The following SYN3 variants were observed in gnomAD, a reference collection of about 807,000 sequenced individuals.
SYN3 encodes synapsin-3.
SYN3 carries 35 observed loss-of-function variants against 65.8 expected under a neutral mutation model. The ratio of observed to expected loss-of-function variants is 0.53; its 90% CI spans 0.41 to 0.70. The LOEUF (loss-of-function observed/expected upper bound fraction) is 0.70, where lower values mean the gene tolerates loss of function less well. Among genes scored for constraint, SYN3 ranks in the 30% least tolerant of loss-of-function variants. The probability of loss-of-function intolerance (pLI) is 0.00; values close to 1 mark genes in which losing one functional copy is unlikely to be tolerated. For synonymous variants in SYN3, 270 were observed against 292.9 expected (o/e 0.92, Z 0.80); for missense variants, 680 against 749.0 (o/e 0.91, Z 1.08).
At position 32,831,130 on chromosome 22, in the gene SYN3, G is replaced by A. The variant is rs181191429; in HGVS notation, c.711+33785C>T. On this transcript the variant is annotated intron_variant, in intron 6 of 13. Transcript: ENST00000358763. The stretch of plus-strand genomic sequence containing the variant: ...GGCTGAGGTTGAAGTTGAGATCAAG[G>A]TGGCAGCGTGACCCTTATGCCTCAA... Among the ~76,000 whole-genome samples the A allele has an allele frequency of 5.3e-5, 8 of 152,290 alleles. No homozygotes were observed. In the East Asian group the frequency reaches 1.5e-3, roughly 29 times the overall value.
In SYN3 at chr22:32,508,306, C is replaced by T. The variant is rs62232669; in HGVS notation, c.*5386G>A. Among the ~76,000 whole-genome samples, 27,143 of 152,126 alleles carry T rather than the reference C, an allele frequency of 0.18. 2,665 individuals carry two copies. Among genetic ancestry groups the T allele is most frequent in the Non-Finnish European group, 0.22 (15,068 of 67,980 alleles). ...CCCGCACTGAGCACCTTGTGACCCC[C>T]GCCCCTGCCCACCAGAGAACAACCC... On this transcript the variant is annotated 3_prime_UTR_variant, in exon 14 of 14. Coordinates refer to ENST00000358763, the MANE Select transcript of SYN3 (RefSeq NM_003490.4).
intron 6 of SYN3, among the ~76,000 whole-genome samples, chr22:32,734,689 T>C (rs577540457): frequency 2.0e-5 from 3 of 152,288 alleles, no homozygotes; most frequent in Admixed American, 2.0e-4. Flanking sequence ...CTGACAGTGT[T>C]TGCTGATTCT....
intron 7 of SYN3, among the ~76,000 whole-genome samples, chr22:32,586,022 GTATGTATGTATA>G (rs1424078423): frequency 1.6e-5 from 2 of 125,646 alleles, no homozygotes; most frequent in Non-Finnish European, 3.1e-5. Flanking sequence ...ACGTATATAT[GTATGTATGTATA>G]TATGTATATG....
chr22:32,728,869 T>C (rs2147329235), intron 6 of SYN3, among the ~76,000 whole-genome samples: 1 of 152,276 alleles, frequency 6.6e-6, no homozygotes, highest in Middle Eastern at 3.4e-3. Context: ...AGTCAGTCCC[T>C]GTGTGTGGGC....
At chr22:32,596,619 A>G (rs2059203883) in intron 7 of SYN3, 55 bp downstream of exon 7, 5 of 1,575,854 alleles carry the variant, frequency 3.2e-6, no homozygotes, top group South Asian at 1.1e-5. Flanking sequence ...AGGAACAGGT[A>G]GTCTGGGGAA....
intron 4 of SYN3, among the ~76,000 whole-genome samples, chr22:32,907,858 T>C (rs1452226512): frequency 1.3e-5 from 2 of 152,204 alleles, no homozygotes; most frequent in Non-Finnish European, 2.9e-5. Flanking sequence ...TAACTAACGA[T>C]TATAGAGGCT....
intron 4 of SYN3, among the ~76,000 whole-genome samples, chr22:32,896,744 A>G (rs570075116): frequency 6.2e-4 from 94 of 152,336 alleles, no homozygotes; most frequent in Non-Finnish European, 8.4e-4. Flanking sequence ...AATTTTTTCC[A>G]TATGTGATCT....
chr22:33,021,786 T>TA (rs199896261), intron 1 of SYN3, among the ~76,000 whole-genome samples: 643 of 14,154 alleles, frequency 0.045, 1 homozygote, highest in Non-Finnish European at 0.067. Flanking sequence ...TGTAACTTAT[T>TA]TTTTTTTTTT....
intron 7 of SYN3, among the ~76,000 whole-genome samples, chr22:32,569,340 A>T (rs1054264692): frequency 6.6e-6 from 1 of 151,174 alleles, no homozygotes; most frequent in Non-Finnish European, 1.5e-5. Flanking sequence ...ATCTCTATCC[A>T]TCCAAAATAT....
chr22:32,611,663 C>A (rs992308935), intron 6 of SYN3, among the ~76,000 whole-genome samples: 1 of 152,110 alleles, frequency 6.6e-6, no homozygotes, highest in Admixed American at 6.6e-5. Context: ...CTTTGTCATC[C>A]CATGAGCAAG....
At chr22:32,725,855 T>G (rs1262191516) in intron 6 of SYN3, among the ~76,000 whole-genome samples, 1 of 152,246 alleles carries the variant, frequency 6.6e-6, no homozygotes, top group Non-Finnish European at 1.5e-5. Context: ...GCTTAGTCAA[T>G]ATTTAGTCTG....
Position 32,801,800 on chromosome 22 carries a change from G to A in SYN3, c.711+63115C>T. On this transcript the variant is annotated intron_variant, in intron 6 of 13. Coordinates refer to ENST00000358763, the MANE Select transcript of SYN3 (RefSeq NM_003490.4). The surrounding 1 kb of genome is among the most constrained non-coding windows in gnomAD (Gnocchi z 4.7). ...CTCCTTCGCCGGGAGGCCGCCCGCC[G>A]AGTCCTGCGCCAGCGCCGAGGCAGC... 4.4e-6 allele frequency: 2 copies of A among 458,044 alleles called. No homozygotes were observed. The highest frequency in any genetic ancestry group is 3.2e-6 in the Non-Finnish European group (1 of 314,230). The allele number at this position is 458,044 out of a possible 1,614,324, so 28.4% of individuals were successfully genotyped here. A position where few individuals can be genotyped will look rare whatever the true frequency, so the allele number is the denominator to read the frequency against.
chr22:32,608,794 G>A (rs2059402461), intron 6 of SYN3, among the ~76,000 whole-genome samples: 1 of 152,156 alleles, frequency 6.6e-6, no homozygotes, highest in Admixed American at 6.5e-5. Flanking sequence ...AATCGACGTT[G>A]TTGTGAAGAT....
At position 32,548,412 on chromosome 22, in the gene SYN3, C is replaced by T. The variant is rs139213786; in HGVS notation, c.775-6699G>A. On this transcript the variant is annotated intron_variant, in intron 7 of 13. Coordinates refer to ENST00000358763, the MANE Select transcript of SYN3 (RefSeq NM_003490.4). ...TTTTTGAGACGGAATCTTGCTCTGT[C>T]GTCAGGCTGGAGTGCAGTGGCACGA... Among the ~76,000 whole-genome samples, 33 of 152,102 alleles carry T rather than the reference C, an allele frequency of 2.2e-4. No homozygotes were observed. In the East Asian group the frequency reaches 5.0e-3, roughly 23 times the overall value.
In SYN3 at chr22:32,510,488, A is replaced by G. The variant is rs1233555638; in HGVS notation, c.*3204T>C. On this transcript the variant is annotated 3_prime_UTR_variant, in exon 14 of 14. Transcript: ENST00000358763. Reference sequence around the variant, plus strand: ...ATTGTTGAAGAGGGACGATTGCCACAGGGGTTTCCTGTGTTCTTAATCTCC... The same window carrying G: ...ATTGTTGAAGAGGGACGATTGCCACGGGGGTTTCCTGTGTTCTTAATCTCC... Among the ~76,000 whole-genome samples, 1 of 152,156 alleles carries G rather than the reference A, an allele frequency of 6.6e-6. No individual in the cohort carries two copies. The highest frequency in any genetic ancestry group is 1.5e-5 in the Non-Finnish European group (1 of 68,028).
At position 32,566,073 on chromosome 22, in the gene SYN3, C is replaced by T. The variant is rs1349547983; in HGVS notation, c.775-24360G>A. On this transcript the variant is annotated intron_variant, in intron 7 of 13. Transcript: ENST00000358763. ...GCTGAGGCTGGTCTCAATCTCCTGA[C>T]CTAAAGTGATCCTCCTGCTTGGGTC... Among the ~76,000 whole-genome samples, 3 of 151,940 alleles carry T rather than the reference C, an allele frequency of 2.0e-5. No homozygotes were observed. The East Asian group carries it at 5.8e-4, about 29-fold the overall frequency.
At chr22:32,726,293 C>T (rs2061191360) in intron 6 of SYN3, among the ~76,000 whole-genome samples, 1 of 152,192 alleles carries the variant, frequency 6.6e-6, no homozygotes, top group Non-Finnish European at 1.5e-5. Context: ...TAGGCATACG[C>T]CACCACGCCC....
In SYN3 at chr22:32,557,282, G is replaced by A. The variant is rs150000692; in HGVS notation, c.775-15569C>T. Among the ~76,000 whole-genome samples the A allele has an allele frequency of 7.1e-3, 1,074 of 152,166 alleles. 3 individuals are homozygous for A. The highest frequency in any genetic ancestry group is 0.012 in the Non-Finnish European group (794 of 68,000). On this transcript the variant is annotated intron_variant, in intron 7 of 13. Transcript: ENST00000358763. ...GTGACCAACACCACAAAGGGCATGCGGCTGAGGGGCCCTGATTCACAAGGG... is the reference window on the plus strand; with the variant it reads ...GTGACCAACACCACAAAGGGCATGCAGCTGAGGGGCCCTGATTCACAAGGG...
At chr22:32,988,508 G>T (rs1196677231) in intron 2 of SYN3, among the ~76,000 whole-genome samples, 1 of 152,070 alleles carries the variant, frequency 6.6e-6, no homozygotes, top group Non-Finnish European at 1.5e-5. Flanking sequence ...ATGTGCCAGA[G>T]TCTGCAGGCT....
Sources: gnomAD v4.1 joint callset for allele counts (sites outside exome capture counted in the v4.1 genomes callset) on GRCh38, gnomAD v4.1.1 for gene constraint, Gnocchi (gnomAD v3.1) non-coding constraint, MANE v1.5 for transcripts, NCBI Gene and HGNC (gene_info 2026-07-23, HGNC 2026-07-21) for gene names.